The following GALNT13 variants were observed in gnomAD, a reference collection of about 807,000 sequenced individuals.
The protein encoded by GALNT13 is UDP-GalNAc:polypeptide N-acetylgalactosaminyltransferase 13.
Under a neutral mutation model 64.2 loss-of-function variants are expected in GALNT13, and 28 were observed. The observed-to-expected ratio is 0.44, with a 90% CI of 0.32 to 0.60. The LOEUF (loss-of-function observed/expected upper bound fraction) is 0.60, where lower values mean the gene tolerates loss of function less well. Ranked by LOEUF, GALNT13 falls within the 20% of genes least tolerant of loss-of-function variation. GALNT13 has a pLI of 0.05. For missense variants in GALNT13, 577 were observed against 669.8 expected, an observed-to-expected ratio of 0.86 and a Z score of 1.53; for synonymous variants, 214 against 224.6, an observed-to-expected ratio of 0.95 and a Z score of 0.42.
At chr2:153,969,076 C>T (rs1693569831) in intron 3 of GALNT13, among the ~76,000 whole-genome samples, 1 of 151,802 alleles carries the variant, frequency 6.6e-6, no homozygotes, top group South Asian at 2.1e-4. Flanking sequence ...ATTGAATTGT[C>T]TTTGCTCTCA....
At chr2:153,614,237 ATAT>A in the GALNT13 span, among the ~76,000 whole-genome samples, 1 of 152,020 alleles carries the variant, frequency 6.6e-6, no homozygotes, top group East Asian at 1.9e-4. Flanking sequence ...ATCTTTAAAG[ATAT>A]TATGAGTAAA....
the GALNT13 span, among the ~76,000 whole-genome samples, chr2:153,263,590 C>T: frequency 6.6e-6 from 1 of 152,020 alleles, no homozygotes. Flanking sequence ...TACTGGTACA[C>T]ATACAGACAC....
chr2:153,755,185 T>A, the GALNT13 span, among the ~76,000 whole-genome samples: 1 of 152,146 alleles, frequency 6.6e-6, no homozygotes, highest in South Asian at 2.1e-4. Context: ...CTTATAAAGG[T>A]TTCTGTTCGT....
chr2:153,478,845 C>T, the GALNT13 span: 3 of 398,120 alleles, frequency 7.5e-6, no homozygotes, highest in Non-Finnish European at 1.4e-5. Flanking sequence ...GGGGCTGGAC[C>T]AGCCCGGCCG....
At chr2:153,919,193 C>A (rs753116956) in intron 2 of GALNT13, among the ~76,000 whole-genome samples, 5 of 151,860 alleles carry the variant, frequency 3.3e-5, no homozygotes, top group Non-Finnish European at 5.9e-5. Flanking sequence ...TTCTTTATGG[C>A]ACCCTCATTT....
the GALNT13 span, among the ~76,000 whole-genome samples, chr2:153,289,371 G>T: frequency 6.6e-6 from 1 of 151,988 alleles, no homozygotes; most frequent in African/African-American, 2.4e-5. Context: ...TCTGTTGAAG[G>T]GTTTATCTGT....
At chr2:154,105,646 A>T (rs1702574524) in intron 3 of GALNT13, among the ~76,000 whole-genome samples, 1 of 152,168 alleles carries the variant, frequency 6.6e-6, no homozygotes, top group African/African-American at 2.4e-5. Context: ...GTGATGCATG[A>T]CTGTATTTAT....
intron 11 of GALNT13, among the ~76,000 whole-genome samples, chr2:154,429,648 T>G (rs983517567): frequency 2.0e-4 from 30 of 152,178 alleles, no homozygotes; most frequent in African/African-American, 6.8e-4. Flanking sequence ...TAAATGTGAA[T>G]ACAGTAAACA....
At chr2:153,414,236 G>A in the GALNT13 span, among the ~76,000 whole-genome samples, 3 of 151,928 alleles carry the variant, frequency 2.0e-5, no homozygotes, top group African/African-American at 4.8e-5. Context: ...CTAGCTGGAA[G>A]TAGTGGCGTG....
At position 154,241,995 on chromosome 2, in the gene GALNT13, A is replaced by G. The variant is rs201155279; in HGVS notation, c.312-35A>G. The G allele has an allele frequency of 1.0e-4, 144 of 1,406,402 alleles. No individual in the cohort carries two copies. In the African/African-American group the frequency reaches 1.9e-3, roughly 19 times the overall value. The allele number at this position is 1,406,402 out of a possible 1,614,324, so 87.1% of individuals were successfully genotyped here. On this transcript the variant is annotated intron_variant, in intron 4 of 12. Transcript: ENST00000392825. ...TTAAAATAATCAGGATAAAAAATGC[A>G]TTTATTAAGATCCCTCTTCTTTTCT...
chr2:153,770,086 A>C, the GALNT13 span, among the ~76,000 whole-genome samples: 1 of 152,118 alleles, frequency 6.6e-6, no homozygotes, highest in Non-Finnish European at 1.5e-5. Context: ...TTTGGTTAAG[A>C]TCCATTGCTG....
At chr2:153,370,644 C>CCCAAAG in the GALNT13 span, 1 of 152,174 alleles carries the variant, frequency 6.6e-6, no homozygotes, top group African/African-American at 2.4e-5. Context: ...CCCTGCTCTT[C>CCCAAAG]CCAAAGCCAA....
the GALNT13 span, among the ~76,000 whole-genome samples, chr2:153,274,746 T>G: frequency 2.0e-5 from 3 of 152,226 alleles, no homozygotes; most frequent in Non-Finnish European, 4.4e-5. Flanking sequence ...TTATTTGAAG[T>G]CACGTTTTTA....
chr2:153,666,361 C>T, the GALNT13 span, among the ~76,000 whole-genome samples: 3 of 152,102 alleles, frequency 2.0e-5, no homozygotes, highest in Non-Finnish European at 4.4e-5. Context: ...AAGCACCAAT[C>T]CCACTGTGCC....
At chr2:153,187,820 G>C in the GALNT13 span, among the ~76,000 whole-genome samples, 1 of 152,030 alleles carries the variant, frequency 6.6e-6, no homozygotes, top group South Asian at 2.1e-4. Flanking sequence ...TTGGAGCTGG[G>C]ATACAAAATT....
At chr2:153,331,815 A>G in the GALNT13 span, among the ~76,000 whole-genome samples, 1 of 152,154 alleles carries the variant, frequency 6.6e-6, no homozygotes, top group Non-Finnish European at 1.5e-5. Context: ...AGTATTAAAC[A>G]TCACAGTAGG....
intron 10 of GALNT13, among the ~76,000 whole-genome samples, chr2:154,397,811 TGTA>T (rs1170495974): frequency 1.3e-5 from 2 of 152,224 alleles, no homozygotes; most frequent in African/African-American, 4.8e-5. Context: ...ATCTGAATAA[TGTA>T]GTGAAAAATT....
the GALNT13 span, among the ~76,000 whole-genome samples, chr2:153,457,759 T>G: frequency 6.6e-6 from 1 of 152,200 alleles, no homozygotes; most frequent in Non-Finnish European, 1.5e-5. Context: ...TCCTAATGCT[T>G]TTAATTTTCA....
chr2:153,609,464 C>T, the GALNT13 span, among the ~76,000 whole-genome samples: 2 of 152,226 alleles, frequency 1.3e-5, no homozygotes, highest in Admixed American at 6.5e-5. Flanking sequence ...CTCTTACACC[C>T]GTTTCCATCA....
Sources: allele counts gnomAD v4.1 joint callset (sites outside exome capture counted in the v4.1 genomes callset), GRCh38; gene constraint gnomAD v4.1.1; transcripts MANE v1.5; gene names NCBI Gene and HGNC (gene_info 2026-07-23, HGNC 2026-07-21).